Variants in PIWIL1 observed in about 807,000 individuals in gnomAD.
PIWIL1 encodes piwi like RNA-mediated gene silencing 1.
A neutral mutation model predicts 114.4 loss-of-function variants in PIWIL1; 73 were observed. The observed-to-expected ratio is 0.64, with a 90% CI of 0.53 to 0.78. The LOEUF (loss-of-function observed/expected upper bound fraction) is 0.78. Among genes scored for constraint, PIWIL1 ranks in the 30% least tolerant of loss-of-function variants. PIWIL1 has a pLI of 0.00. For missense variants in PIWIL1, 723 were observed against 1,063.1 expected (o/e 0.68, Z 4.45); for synonymous variants, 375 against 369.0 (o/e 1.02, Z -0.19).
Position 130,348,153 on chromosome 12 carries a change from CAAATG to C in PIWIL1, c.706_710del (p.Asn236ProfsTer3). The C allele has an allele frequency of 6.2e-7, 1 of 1,606,302 alleles. No homozygotes were observed. Among genetic ancestry groups the C allele is most frequent in the Non-Finnish European group, 8.5e-7 (1 of 1,173,588 alleles). On this transcript the variant is annotated frameshift_variant, in exon 7 of 21. Transcript: ENST00000245255. LOFTEE classifies it high-confidence loss of function. ...CAAATTGGACGAAATTATTATAACC[CAAATG>C]ACCCAATTGATATTCCAAGTCACAG...
the PIWIL1 span, chr12:130,397,872 G>A: frequency 1.0e-5 from 2 of 193,284 alleles, no homozygotes; most frequent in Admixed American, 6.1e-5. Context: ...AAATTAGGTT[G>A]ATAGTAAAGT....
chr12:130,363,917 C>CTCTA (rs1324292634), intron 18 of PIWIL1, among the ~76,000 whole-genome samples: 12 of 152,138 alleles, frequency 7.9e-5, no homozygotes, highest in African/African-American at 2.9e-4. Context: ...AACTCCCAGC[C>CTCTA]TCTACTTTGT....
chr12:130,376,088 G>T (rs1244591957), downstream of PIWIL1, among the ~76,000 whole-genome samples: 6 of 152,020 alleles, frequency 3.9e-5, no homozygotes, highest in East Asian at 1.2e-3. Context: ...ATGCTTCCCA[G>T]ACCACATCTC....
chr12:130,396,030 T>G, the PIWIL1 span: 1 of 144,522 alleles, frequency 6.9e-6, no homozygotes, highest in Non-Finnish European at 1.5e-5. Context: ...AAAAAAATAC[T>G]CCCAGAAACG....
At chr12:130,358,035 C>T (rs556240998) in intron 14 of PIWIL1, among the ~76,000 whole-genome samples, 3 of 152,290 alleles carry the variant, frequency 2.0e-5, no homozygotes, top group African/African-American at 7.2e-5. Context: ...CCCGAGGGGT[C>T]GGGATAGGGA....
the PIWIL1 span, chr12:130,406,317 A>T: frequency 5.1e-5 from 49 of 963,238 alleles, no homozygotes; most frequent in Non-Finnish European, 6.6e-5. Context: ...TAAGTTCTCT[A>T]TGCTTTCCCT....
intron 19 of PIWIL1, among the ~76,000 whole-genome samples, chr12:130,368,215 A>T (rs1344232978): frequency 6.6e-6 from 1 of 152,206 alleles, no homozygotes; most frequent in Non-Finnish European, 1.5e-5. Flanking sequence ...CACTGTACTC[A>T]GGACAGCGAA....
chr12:130,389,672 C>G, the PIWIL1 span, among the ~76,000 whole-genome samples: 3 of 152,044 alleles, frequency 2.0e-5, no homozygotes, highest in Non-Finnish European at 2.9e-5. Flanking sequence ...ATCAGCCTTT[C>G]CAGCTGTATT....
chr12:130,395,959 A>AGAG, the PIWIL1 span, among the ~76,000 whole-genome samples: 52 of 152,090 alleles, frequency 3.4e-4, no homozygotes, highest in African/African-American at 1.2e-3. Context: ...TGGTAGTATG[A>AGAG]GAGTGTCACA....
the PIWIL1 span, among the ~76,000 whole-genome samples, chr12:130,420,200 A>G: frequency 2.0e-5 from 3 of 152,182 alleles, no homozygotes; most frequent in Non-Finnish European, 4.4e-5. This position sits in a 1 kb window ranked among gnomAD's most constrained non-coding sequence, Gnocchi z 4.3. Context: ...CAGGTGGGTG[A>G]TAAGCACCCT....
chr12:130,386,569 C>T, the PIWIL1 span, among the ~76,000 whole-genome samples: 1 of 45,292 alleles, frequency 2.2e-5, no homozygotes, highest in South Asian at 9.6e-4. Flanking sequence ...CACCCATGCA[C>T]ACCACCCCTT....
the PIWIL1 span, among the ~76,000 whole-genome samples, chr12:130,418,271 A>G: frequency 6.6e-6 from 1 of 152,250 alleles, no homozygotes; most frequent in Non-Finnish European, 1.5e-5. Context: ...CCTTTTCCAC[A>G]GCAGCCTTCA....
chr12:130,399,719 T>C, the PIWIL1 span: 1 of 1,614,210 alleles, frequency 6.2e-7, no homozygotes. Context: ...TTGAGAGTAG[T>C]GGGATGGAGC....
At chr12:130,375,523 G>A (rs541206451), downstream of PIWIL1, among the ~76,000 whole-genome samples, 5 of 152,232 alleles carry the variant, frequency 3.3e-5, no homozygotes, top group South Asian at 2.1e-4. Flanking sequence ...GTGTTGTGGC[G>A]GCACGCACGG....
chr12:130,376,201 C>T (rs184653330), downstream of PIWIL1, among the ~76,000 whole-genome samples: 10 of 152,234 alleles, frequency 6.6e-5, no homozygotes, highest in South Asian at 4.2e-4. Context: ...TTCTTGGTCT[C>T]GGAACTGCCT....
At chr12:130,425,963 A>G in the PIWIL1 span, 67,914 of 152,328 alleles carry the variant, frequency 0.45, 15,977 homozygotes, top group East Asian at 0.75. Context: ...CGGGGCACAC[A>G]CTGTGCAGCT....
chr12:130,415,290 A>C, the PIWIL1 span, among the ~76,000 whole-genome samples: 1 of 152,222 alleles, frequency 6.6e-6, no homozygotes, highest in Admixed American at 6.5e-5. Context: ...AACAGAACTA[A>C]AACAAAAACC....
At chr12:130,412,202 C>T in the PIWIL1 span, among the ~76,000 whole-genome samples, 1 of 152,262 alleles carries the variant, frequency 6.6e-6, no homozygotes, top group African/African-American at 2.4e-5. Context: ...GAGCTTGTGC[C>T]TCTTGGATAA....
At chr12:130,402,819 C>T in the PIWIL1 span, among the ~76,000 whole-genome samples, 4 of 152,206 alleles carry the variant, frequency 2.6e-5, no homozygotes, top group Admixed American at 6.5e-5. Flanking sequence ...TACCTTAGTA[C>T]GCCACGTGAT....
Sources: gnomAD v4.1 joint callset for allele counts (sites outside exome capture counted in the v4.1 genomes callset) on GRCh38, gnomAD v4.1.1 for gene constraint, Gnocchi (gnomAD v3.1) non-coding constraint, MANE v1.5 for transcripts, NCBI Gene and HGNC (gene_info 2026-07-23, HGNC 2026-07-21) for gene names.